CREBRF: variants seen among roughly 807,000 people sequenced by gnomAD.
The protein encoded by CREBRF is UPF0474 protein C5orf41.
A neutral mutation model predicts 66.1 loss-of-function variants in CREBRF; 5 were observed. The observed-to-expected ratio is 0.08, with a 90% confidence interval of 0.04 to 0.16. The LOEUF is 0.16. Among genes scored for constraint, CREBRF ranks in the 10% least tolerant of loss-of-function variants. The pLI is 1.00. For synonymous variants in CREBRF, 229 were observed against 264.4 expected, an observed-to-expected ratio of 0.87 and a Z score of 1.30; for missense variants, 531 against 744.9, an observed-to-expected ratio of 0.71 and a Z score of 3.34.
At chr5:173,129,471 C>G (rs1404619329) in intron 8 of CREBRF, among the ~76,000 whole-genome samples, 1 of 151,994 alleles carries the variant, frequency 6.6e-6, no homozygotes, top group Admixed American at 6.6e-5. Context: ...GCTATAATCT[C>G]AACATTTTGG....
intron 1 of CREBRF, among the ~76,000 whole-genome samples, chr5:173,079,466 T>TAA (rs57288779): frequency 6.1e-5 from 8 of 130,966 alleles, no homozygotes; most frequent in South Asian, 2.4e-4. Flanking sequence ...CTGTCTTTTT[T>TAA]AAAAAAAAAA....
chr5:173,110,762 T>G, intron 6 of CREBRF, 51 bp downstream of exon 6: 13 of 1,406,112 alleles, frequency 9.2e-6, no homozygotes, highest in Non-Finnish European at 1.3e-5. Context: ...GAGGTGAGGT[T>G]AGTCCCTAAG....
At chr5:173,096,021 G>A (rs1280204807) in intron 4 of CREBRF, among the ~76,000 whole-genome samples, 2 of 151,998 alleles carry the variant, frequency 1.3e-5, no homozygotes, top group Admixed American at 6.5e-5. Context: ...CCAGGCTGGA[G>A]TGCAGTGGCG....
chr5:173,093,151 G>T, intron 4 of CREBRF, among the ~76,000 whole-genome samples: 1 of 152,084 alleles, frequency 6.6e-6, no homozygotes, highest in Non-Finnish European at 1.5e-5. Flanking sequence ...ACAAAGAGAG[G>T]ATGGGTAATT....
At chr5:173,128,007 C>G (rs960914639) in intron 8 of CREBRF, among the ~76,000 whole-genome samples, 10 of 152,124 alleles carry the variant, frequency 6.6e-5, no homozygotes, top group Admixed American at 4.6e-4. Context: ...CTTTCTCCCC[C>G]CCAAAACCAG....
chr5:173,067,427 A>C (rs1757465612), intron 1 of CREBRF, among the ~76,000 whole-genome samples: 1 of 152,172 alleles, frequency 6.6e-6, no homozygotes, highest in Non-Finnish European at 1.5e-5. Context: ...AGATTCAAGC[A>C]AGCTAGAGAG....
At chr5:173,062,835 C>T (rs1390612147) in intron 1 of CREBRF, among the ~76,000 whole-genome samples, 2 of 150,156 alleles carry the variant, frequency 1.3e-5, no homozygotes, top group Admixed American at 1.3e-4. Flanking sequence ...GCAAGCTCTG[C>T]CTCCCGGGTT....
At chr5:173,072,340 A>G (rs952417933) in intron 1 of CREBRF, among the ~76,000 whole-genome samples, 2 of 151,730 alleles carry the variant, frequency 1.3e-5, no homozygotes, top group Non-Finnish European at 2.9e-5. Context: ...CAGTGGCGCA[A>G]TCTGGGCTCA....
chr5:173,093,006 G>C (rs1758388182), intron 4 of CREBRF, among the ~76,000 whole-genome samples: 1 of 152,160 alleles, frequency 6.6e-6, no homozygotes, highest in South Asian at 2.1e-4. Flanking sequence ...ACTTGACTTT[G>C]TAGGTAGGGG....
intron 6 of CREBRF, among the ~76,000 whole-genome samples, chr5:173,111,281 CT>C (rs34062439): frequency 3.9e-4 from 58 of 146,900 alleles, no homozygotes; most frequent in Middle Eastern, 3.5e-3. Flanking sequence ...ACCTGTCTTC[CT>C]TTTTTTTTTT....
At chr5:173,059,622 A>G (rs892820120) in intron 1 of CREBRF, among the ~76,000 whole-genome samples, 1 of 151,636 alleles carries the variant, frequency 6.6e-6, no homozygotes, top group Admixed American at 6.6e-5. Flanking sequence ...AGCCCTTACA[A>G]TGCCCTAATT....
Position 173,090,780 on chromosome 5 carries a change from G to A in CREBRF, c.601G>A (p.Val201Ile). 6.2e-7 allele frequency: 1 copy of A among 1,614,148 alleles called. No homozygotes were observed. Among genetic ancestry groups the A allele is most frequent in the Non-Finnish European group, 8.5e-7 (1 of 1,180,044 alleles). Residue 201 changes from valine to isoleucine, a missense_variant, in exon 4 of 9, where the codon GTC (valine) becomes ATC (isoleucine). Around this residue, in one of 5 missense-constraint regions of CREBRF, gnomAD observed 309 missense variants for 341.4 expected, o/e 0.90. Transcript: ENST00000296953. The surrounding 1 kb of genome is among the most constrained non-coding windows in gnomAD (Gnocchi z 4.5). ...GGCTGAGGTCCCTTTGTCAGACTGT[G>A]TCCAAAAAGCAAGTAAACCCACTTC... ...LQAEVPLSDCVQKASKPTSST... is the reference protein window; with the variant it reads ...LQAEVPLSDCIQKASKPTSST...
chr5:173,075,096 A>C (rs532648299), intron 1 of CREBRF, among the ~76,000 whole-genome samples: 4 of 152,340 alleles, frequency 2.6e-5, no homozygotes, highest in Admixed American at 2.6e-4. Flanking sequence ...GGGAAAAGAT[A>C]CACTTTCTTC....
chr5:173,092,096 A>G (rs1001545953), intron 4 of CREBRF: 1 of 791,130 alleles, frequency 1.3e-6, no homozygotes, highest in Non-Finnish European at 1.5e-6. Context: ...ACAACAAAAA[A>G]TAATAAATAA....
At chr5:173,075,971 A>T (rs1757748917) in intron 1 of CREBRF, among the ~76,000 whole-genome samples, 1 of 148,316 alleles carries the variant, frequency 6.7e-6, no homozygotes, top group South Asian at 2.1e-4. Context: ...TTCAAATCCC[A>T]GCATTTTGGG....
chr5:173,097,312 C>T (rs994858032), intron 4 of CREBRF, among the ~76,000 whole-genome samples: 1 of 152,150 alleles, frequency 6.6e-6, no homozygotes, highest in Non-Finnish European at 1.5e-5. Flanking sequence ...GTGGCATGAA[C>T]TCGGCTCACT....
chr5:173,087,999 A>G (rs1218822870), intron 3 of CREBRF, among the ~76,000 whole-genome samples: 1 of 150,690 alleles, frequency 6.6e-6, no homozygotes, highest in African/African-American at 2.4e-5. Context: ...AATTTTTTGT[A>G]TTTTTAGTAG....
chr5:173,099,197 C>T (rs913055416), intron 4 of CREBRF, among the ~76,000 whole-genome samples: 2 of 152,016 alleles, frequency 1.3e-5, no homozygotes, highest in Non-Finnish European at 2.9e-5. Flanking sequence ...ATTCTGTTGC[C>T]CAGGCTGGAG....
At chr5:173,093,463 G>A (rs1042496017) in intron 4 of CREBRF, among the ~76,000 whole-genome samples, 1 of 152,056 alleles carries the variant, frequency 6.6e-6, no homozygotes, top group African/African-American at 2.4e-5. Flanking sequence ...CACATAGTAG[G>A]GTGGTAAGAA....
Sources: allele counts gnomAD v4.1 joint callset (sites outside exome capture counted in the v4.1 genomes callset), GRCh38; gene constraint gnomAD v4.1.1; regional missense constraint gnomAD v4.1.1; non-coding constraint Gnocchi (gnomAD v3.1); transcripts MANE v1.5; gene names NCBI Gene and HGNC (gene_info 2026-07-23, HGNC 2026-07-21).